Variants in NPAT observed in about 807,000 individuals in gnomAD.
NPAT encodes the protein protein NPAT.
In NPAT, 52 loss-of-function variants were observed where a neutral mutation model predicts 130.7. The ratio of observed to expected loss-of-function variants is 0.40; its 90% confidence interval spans 0.32 to 0.50. The LOEUF is 0.50. Among genes scored for constraint, NPAT ranks in the 20% least tolerant of loss-of-function variants. The pLI is 0.68. For missense variants in NPAT, 1,687 were observed against 1,662.6 expected (o/e 1.01, Z -0.26); for synonymous variants, 580 against 584.8 (o/e 0.99, Z 0.12).
In NPAT at chr11:108,172,495, T is replaced by A; in HGVS notation, c.2489A>T (p.Glu830Val). ...ATTAGCTGAAAAAGCAATGCCATCT[T>A]CATTCTGAGTATTGTTTACTGCAGA... The part of the protein sequence containing the change: ...EDSAVNNTQN[E>V]DGIAFSANVT... Residue 830 changes from glutamate to valine, a missense_variant, in exon 13 of 18, where the codon GAA becomes GTA. Physicochemically the swap from Glu to Val is moderately radical, Grantham distance 121. Coordinates refer to ENST00000278612, the MANE Select transcript of NPAT (RefSeq NM_002519.3). 1 of 1,614,224 alleles carries A rather than the reference T, an allele frequency of 6.2e-7. No homozygotes were observed. The highest frequency in any genetic ancestry group is 1.7e-5 in the Admixed American group (1 of 60,026).
At chr11:108,181,988 AC>A (rs1265814450) in intron 10 of NPAT, among the ~76,000 whole-genome samples, 1 of 152,102 alleles carries the variant, frequency 6.6e-6, no homozygotes, top group Non-Finnish European at 1.5e-5. Flanking sequence ...CTGTGCTGCC[AC>A]CTGTGTCTCA....
Position 108,185,254 on chromosome 11 carries a change from A to G in NPAT, c.884T>C (p.Ile295Thr), listed in dbSNP as rs368052686. ...DNNPTEPETS[I>T]DEFLGLPSEI... ...TACCGGAAGTCCTAGGAATTCATCAATTGAAGTCTCTGGCTCCGTAGGGTT... is the reference window on the plus strand; with the variant it reads ...TACCGGAAGTCCTAGGAATTCATCAGTTGAAGTCTCTGGCTCCGTAGGGTT... The change falls in exon 10 of 18, where the codon ATT (isoleucine) becomes ACT (threonine). Residue 295 changes from isoleucine (I) to threonine (T), a missense_variant. Ile to Thr is a moderately conservative substitution (Grantham distance 89). Transcript: ENST00000278612. 41 of 1,611,956 alleles carry G rather than the reference A, an allele frequency of 2.5e-5. No individual in the cohort carries two copies. Among genetic ancestry groups the G allele is most frequent in the Non-Finnish European group, 3.1e-5 (37 of 1,178,750 alleles).
At chr11:108,181,660 A>G (rs571430462) in intron 10 of NPAT, among the ~76,000 whole-genome samples, 7 of 152,112 alleles carry the variant, frequency 4.6e-5, no homozygotes, top group South Asian at 4.2e-4. Flanking sequence ...CAGTACCACA[A>G]TGTGCTTGTT....
intron 2 of NPAT, 151 bp downstream of exon 2, chr11:108,197,151 G>A: frequency 1.6e-6 from 1 of 634,272 alleles, no homozygotes; most frequent in South Asian, 1.8e-5. Flanking sequence ...AAGAAAAGCT[G>A]GTCTTCTTTG....
At chr11:108,190,424 A>G in intron 5 of NPAT, 36 bp downstream of exon 5, 3 of 1,561,358 alleles carry the variant, frequency 1.9e-6, no homozygotes, top group South Asian at 1.1e-5. Context: ...TTAAGTTTGA[A>G]GTAATTGTGA....
At chr11:108,198,128 T>C (rs1261840140) in intron 1 of NPAT, among the ~76,000 whole-genome samples, 4 of 152,204 alleles carry the variant, frequency 2.6e-5, no homozygotes, top group African/African-American at 4.8e-5. Context: ...GTATCAACTC[T>C]TCACAGAATA....
intron 1 of NPAT, among the ~76,000 whole-genome samples, chr11:108,212,590 T>A (rs1360090071): frequency 6.7e-6 from 1 of 148,600 alleles, no homozygotes; most frequent in African/African-American, 2.5e-5. Flanking sequence ...TATTTGCAGA[T>A]GACATGTCTT....
chr11:108,210,090 G>T (rs1022956291), intron 1 of NPAT, among the ~76,000 whole-genome samples: 1 of 147,488 alleles, frequency 6.8e-6, no homozygotes, highest in Admixed American at 6.8e-5. Flanking sequence ...AAAAAAAAAA[G>T]AGAATACTCA....
intron 1 of NPAT, among the ~76,000 whole-genome samples, chr11:108,214,833 A>T (rs1183746906): frequency 6.6e-6 from 1 of 152,108 alleles, no homozygotes; most frequent in Non-Finnish European, 1.5e-5. Context: ...GGGTTTTGCC[A>T]TGTTGGCCAG....
intron 1 of NPAT, among the ~76,000 whole-genome samples, chr11:108,221,600 A>C (rs1437803419): frequency 6.6e-6 from 1 of 152,230 alleles, no homozygotes; most frequent in East Asian, 1.9e-4. Flanking sequence ...GAACAATAAA[A>C]TAATAGTAGT....
Position 108,161,181 on chromosome 11 carries a change from G to C in NPAT, c.3905C>G (p.Ser1302Ter), listed in dbSNP as rs2077843983. ...GGTGACAGGAGGGACCATTACTTTT[G>C]ATGTACTACTGTCTTCACTGAAACG... ...SRRFSEDSST[S>*]KVMVPPVTPD... Residue 1302 changes from serine (S) to a stop codon, truncating the protein, a stop_gained, in exon 17 of 18, where the codon TCA (serine) becomes TGA (stop). Transcript: ENST00000278612. LOFTEE classifies it high-confidence loss of function. 2.5e-6 allele frequency: 4 copies of C among 1,614,126 alleles called. No individual in the cohort carries two copies. The highest frequency in any genetic ancestry group is 3.4e-6 in the Non-Finnish European group (4 of 1,180,030).
intron 15 of NPAT, among the ~76,000 whole-genome samples, chr11:108,167,415 A>AT (rs1176459813): frequency 3.3e-5 from 5 of 152,062 alleles, no homozygotes; most frequent in Non-Finnish European, 7.4e-5. Context: ...GTCTCACTAT[A>AT]TTGCCCAGGC....
At position 108,157,762 on chromosome 11, in the gene NPAT, A is replaced by G. The variant is rs2077810266; in HGVS notation, c.*1180T>C. On this transcript the variant is annotated 3_prime_UTR_variant, in exon 18 of 18. Transcript: ENST00000278612. ...AATATCTAGGCACAATTGGTCAGGT[A>G]CTAATTATAATTTCTGTTCTCATTT... 1 of 152,548 alleles carries G rather than the reference A, an allele frequency of 6.6e-6. No individual in the cohort carries two copies. Among genetic ancestry groups the G allele is most frequent in the African/African-American group, 2.4e-5 (1 of 41,456 alleles). 9.4% of individuals were successfully genotyped at this position (152,548 alleles called of 1,614,324 possible).
Position 108,161,986 on chromosome 11 carries a change from T to C in NPAT, c.3100A>G (p.Thr1034Ala). Residue 1034 changes from threonine to alanine, a missense_variant, in exon 17 of 18, where the codon ACA (threonine) becomes GCA (alanine). Around this residue, in one of 3 missense-constraint regions of NPAT, gnomAD observed 1,379 missense variants for 1,346.6 expected, o/e 1.02. Coordinates refer to ENST00000278612, the MANE Select transcript of NPAT (RefSeq NM_002519.3). ...KTEVSDKSIA[T>A]DLGKKSEETT... ...TCTTCTGATTTTTTCCCAAGATCTG[T>C]GGCAATACTTTTGTCAGAAACTTCA... is the stretch of plus-strand genomic sequence containing the variant. The C allele has an allele frequency of 6.2e-7, 1 of 1,608,472 alleles. No homozygotes were observed. Among genetic ancestry groups the C allele is most frequent in the Non-Finnish European group, 8.5e-7 (1 of 1,177,652 alleles).
Position 108,157,604 on chromosome 11 carries a change from T to C in NPAT, c.*1338A>G, listed in dbSNP as rs1049028491. The C allele has an allele frequency of 6.6e-6, 1 of 152,090 alleles. No individual in the cohort carries two copies. Among genetic ancestry groups the C allele is most frequent in the African/African-American group, 2.4e-5 (1 of 41,430 alleles). 9.4% of individuals were successfully genotyped at this position (152,090 alleles called of 1,614,324 possible). A position where few individuals can be genotyped will look rare whatever the true frequency, so the allele number is the denominator to read the frequency against. ...AATGTTGTGTTAAAGTTGGATGGAT[T>C]TATTTTTTTAAAGGCCCAGTACAAA... is the stretch of plus-strand genomic sequence containing the variant. On this transcript the variant is annotated 3_prime_UTR_variant, in exon 18 of 18. Coordinates refer to ENST00000278612, the MANE Select transcript of NPAT (RefSeq NM_002519.3).
chr11:108,164,198 T>C (rs956557061), intron 15 of NPAT, among the ~76,000 whole-genome samples: 1 of 152,182 alleles, frequency 6.6e-6, no homozygotes, highest in African/African-American at 2.4e-5. Context: ...AGACGTGTTG[T>C]GCAAGACTGG....
Position 108,177,076 on chromosome 11 carries a change from C to T in NPAT, c.921G>A (p.Met307Ile). 3 of 1,610,242 alleles carry T rather than the reference C, an allele frequency of 1.9e-6. No homozygotes were observed. The highest frequency in any genetic ancestry group is 8.5e-7 in the Non-Finnish European group (1 of 1,176,898). Residue 307 changes from methionine (M) to isoleucine (I), a missense_variant, in exon 11 of 18, where the codon ATG becomes ATA. Physicochemically the swap from Met to Ile is conservative, Grantham distance 10 (BLOSUM62 1). Coordinates refer to ENST00000278612, the MANE Select transcript of NPAT (RefSeq NM_002519.3). ...ATATGTCCTGTATAGCTTCTTCAGA[C>T]ATGTGAATTTCACTCTGCAAGAAAG... The part of the protein sequence containing the change: ...EFLGLPSEIH[M>I]SEEAIQDILE...
intron 1 of NPAT, among the ~76,000 whole-genome samples, chr11:108,207,111 C>A (rs1020342483): frequency 3.9e-5 from 6 of 152,134 alleles, no homozygotes; most frequent in Non-Finnish European, 7.4e-5. Context: ...CAGGTTGTCC[C>A]AACAAGTGAC....
intron 2 of NPAT, among the ~76,000 whole-genome samples, chr11:108,195,060 T>A (rs1376632867): frequency 6.6e-6 from 1 of 150,894 alleles, no homozygotes; most frequent in Non-Finnish European, 1.5e-5. Context: ...TTGACCTCGC[T>A]ATCCACTCGC....
Sources: allele counts gnomAD v4.1 joint callset (sites outside exome capture counted in the v4.1 genomes callset), GRCh38; gene constraint gnomAD v4.1.1; regional missense constraint gnomAD v4.1.1; transcripts MANE v1.5; gene names NCBI Gene and HGNC (gene_info 2026-07-23, HGNC 2026-07-21).